Variants in RANBP2 observed in about 807,000 individuals in gnomAD.
RANBP2 encodes E3 SUMO-protein ligase RanBP2.
In RANBP2, 57 loss-of-function variants were observed where a neutral mutation model predicts 303.6. The observed-to-expected ratio is 0.19, with a 90% CI of 0.15 to 0.23. The LOEUF is 0.23. RANBP2 is among the 10% of genes least tolerant of loss of function. The pLI is 1.00. For missense variants in RANBP2, 3,138 were observed against 3,780.8 expected (o/e 0.83, Z 4.46); for synonymous variants, 1,167 against 1,301.5 (o/e 0.90, Z 2.23).
At chr2:109,001,697 T>C in the RANBP2 span, among the ~76,000 whole-genome samples, 4 of 152,218 alleles carry the variant, frequency 2.6e-5, no homozygotes, top group Non-Finnish European at 2.9e-5. Context: ...CTTATTTTTA[T>C]AATTTGCCAT....
chr2:109,060,140 T>G, the RANBP2 span, among the ~76,000 whole-genome samples: 1 of 152,072 alleles, frequency 6.6e-6, no homozygotes, highest in Non-Finnish European at 1.5e-5. Flanking sequence ...TGGAGAATTT[T>G]GCAGTGAGCC....
chr2:109,018,963 A>T, the RANBP2 span, among the ~76,000 whole-genome samples: 1 of 152,280 alleles, frequency 6.6e-6, no homozygotes, highest in East Asian at 1.9e-4. Flanking sequence ...AAACATCTGC[A>T]GAATAAATGG....
At chr2:109,511,454 C>T in the RANBP2 span, among the ~76,000 whole-genome samples, 1 of 152,180 alleles carries the variant, frequency 6.6e-6, no homozygotes, top group Non-Finnish European at 1.5e-5. Flanking sequence ...GTCAGGCCTA[C>T]AGGCTGGCAA....
chr2:109,089,522 C>T, the RANBP2 span, among the ~76,000 whole-genome samples: 21 of 152,112 alleles, frequency 1.4e-4, no homozygotes, highest in Non-Finnish European at 2.6e-4. Context: ...GCGAGGATTG[C>T]TTGAGCCCAG....
the RANBP2 span, among the ~76,000 whole-genome samples, chr2:109,027,794 TG>T: frequency 6.6e-6 from 1 of 152,188 alleles, no homozygotes; most frequent in Non-Finnish European, 1.5e-5. Flanking sequence ...CCTGGCATGC[TG>T]GCCTCCCCGC....
chr2:109,476,003 T>C, the RANBP2 span, among the ~76,000 whole-genome samples: 1 of 152,264 alleles, frequency 6.6e-6, no homozygotes, highest in Non-Finnish European at 1.5e-5. Context: ...CAGCTGAAAC[T>C]GTGCCTGCTG....
the RANBP2 span, among the ~76,000 whole-genome samples, chr2:109,306,416 G>T: frequency 1.8e-4 from 28 of 152,228 alleles, no homozygotes; most frequent in African/African-American, 6.5e-4. Flanking sequence ...CGGGGCTTCC[G>T]ATTCCATCCT....
At chr2:108,910,764 T>C in the RANBP2 span, 1 of 1,612,650 alleles carries the variant, frequency 6.2e-7, no homozygotes, top group Non-Finnish European at 8.5e-7. Flanking sequence ...GTGGAAGCCC[T>C]GGTTCACAGA....
At chr2:109,058,121 G>A in the RANBP2 span, among the ~76,000 whole-genome samples, 7 of 152,202 alleles carry the variant, frequency 4.6e-5, no homozygotes, top group East Asian at 5.8e-4. Flanking sequence ...TCCTGCCAGT[G>A]ATGCCCGTGG....
the RANBP2 span, among the ~76,000 whole-genome samples, chr2:108,811,100 CT>C: frequency 5.3e-5 from 8 of 149,542 alleles, no homozygotes; most frequent in South Asian, 2.1e-4. Flanking sequence ...TTTTTCTTTT[CT>C]TTTTTTTTTT....
chr2:109,603,312 G>A, the RANBP2 span, among the ~76,000 whole-genome samples: 3 of 151,714 alleles, frequency 2.0e-5, no homozygotes, highest in Admixed American at 6.6e-5. Context: ...TCGGCTCACT[G>A]CAAGCCCCAC....
chr2:109,302,268 TG>T, the RANBP2 span, among the ~76,000 whole-genome samples: 1 of 134,006 alleles, frequency 7.5e-6, no homozygotes, highest in African/African-American at 2.5e-5. Flanking sequence ...ACCTGAATCC[TG>T]GGGCATTTTT....
At chr2:109,141,577 C>T in the RANBP2 span, 1 of 154,934 alleles carries the variant, frequency 6.5e-6, no homozygotes, top group African/African-American at 2.4e-5. Context: ...GCTGAAGCTC[C>T]AACCCACTGC....
chr2:109,190,931 C>T, the RANBP2 span, among the ~76,000 whole-genome samples: 1 of 151,250 alleles, frequency 6.6e-6, no homozygotes, highest in African/African-American at 2.4e-5. Flanking sequence ...CTACTAGATG[C>T]CAATATTTTT....
the RANBP2 span, among the ~76,000 whole-genome samples, chr2:109,309,780 A>G: frequency 8.1e-6 from 1 of 123,612 alleles, no homozygotes; most frequent in East Asian, 2.2e-4. Context: ...CAATTCAACA[A>G]GAAGAGCTAA....
the RANBP2 span, among the ~76,000 whole-genome samples, chr2:108,793,959 T>C: frequency 6.6e-6 from 1 of 152,148 alleles, no homozygotes; most frequent in Non-Finnish European, 1.5e-5. Flanking sequence ...CTGTAGCATC[T>C]GTATAGCCAA....
chr2:109,400,573 G>GCACA, the RANBP2 span, among the ~76,000 whole-genome samples: 5,577 of 144,334 alleles, frequency 0.039, 193 homozygotes, highest in African/African-American at 0.099. Flanking sequence ...ACACACCTGT[G>GCACA]CGCACACACA....
chr2:109,476,598 A>G, the RANBP2 span, among the ~76,000 whole-genome samples: 1 of 152,162 alleles, frequency 6.6e-6, no homozygotes, highest in African/African-American at 2.4e-5. Flanking sequence ...CCTCAAACAC[A>G]TGGTTATGAA....
the RANBP2 span, among the ~76,000 whole-genome samples, chr2:109,301,381 G>C: frequency 6.6e-6 from 1 of 151,738 alleles, no homozygotes; most frequent in Non-Finnish European, 1.5e-5. Context: ...GTGGTGGGGG[G>C]ACCTTGGGTC....
Sources: gnomAD v4.1 joint callset for allele counts (sites outside exome capture counted in the v4.1 genomes callset) on GRCh38, gnomAD v4.1.1 for gene constraint, MANE v1.5 for transcripts, NCBI Gene and HGNC (gene_info 2026-07-23, HGNC 2026-07-21) for gene names.